Variants in ZNF667 observed in about 807,000 individuals in gnomAD.
ZNF667 encodes the protein myocardial ischemic preconditioning upregulated 1 ortholog.
ZNF667 carries 13 observed loss-of-function variants against 31.8 expected under a neutral mutation model. The observed-to-expected ratio is 0.41, with a 90% CI of 0.27 to 0.65. The LOEUF (loss-of-function observed/expected upper bound fraction) is 0.65, where lower values mean the gene tolerates loss of function less well. Among genes scored for constraint, ZNF667 ranks in the 30% least tolerant of loss-of-function variants. The probability of loss-of-function intolerance (pLI) is 0.32; values close to 1 mark genes in which losing one functional copy is unlikely to be tolerated. For synonymous variants in ZNF667, 228 were observed against 247.1 expected (o/e 0.92, Z 0.73); for missense variants, 642 against 725.6 (o/e 0.88, Z 1.32).
In ZNF667 at chr19:56,456,282, T is replaced by C. The variant is rs967901100; in HGVS notation, c.253+1873A>G. ...AATTCTCCTTTTTAAGTTGTAGTCA[T>C]GGTTATGATTTATTACAGCAAAAGG... On this transcript the variant is annotated intron_variant, in intron 6 of 6. Coordinates refer to ENST00000504904, the MANE Select transcript of ZNF667 (RefSeq NM_001321356.2). Among the ~76,000 whole-genome samples, 65 of 152,204 alleles carry C rather than the reference T, an allele frequency of 4.3e-4. 1 individual carries two copies. Among genetic ancestry groups the C allele is most frequent in the Non-Finnish European group, 1.5e-5 (1 of 68,042 alleles).
Position 56,441,509 on chromosome 19 carries a change from C to A in ZNF667, c.1486G>T (p.Asp496Tyr). Residue 496 changes from aspartate (D) to tyrosine (Y), a missense_variant, in exon 7 of 7, where the codon GAT (aspartate) becomes TAT (tyrosine). Physicochemically the swap from Asp to Tyr is radical, Grantham distance 160 (BLOSUM62 -3). Coordinates refer to ENST00000504904, the MANE Select transcript of ZNF667 (RefSeq NM_001321356.2). The surrounding 1 kb of genome is among the most constrained non-coding windows in gnomAD (Gnocchi z 4.2). Reference sequence around the variant, plus strand: ...CACTGATCACATTCATAGGGTCTATCTTCAGTATGAATTCTCTTATGTCGT... The same window carrying A: ...CACTGATCACATTCATAGGGTCTATATTCAGTATGAATTCTCTTATGTCGT... ...LTRHKRIHTE[D>Y]RPYECDQCGK... 1 of 1,614,218 alleles carries A rather than the reference C, an allele frequency of 6.2e-7. No individual in the cohort carries two copies. Among genetic ancestry groups the A allele is most frequent in the Non-Finnish European group, 8.5e-7 (1 of 1,180,038 alleles).
At position 56,439,367 on chromosome 19, in the gene ZNF667, T is replaced by G. The variant is rs1261396639; in HGVS notation, c.*1795A>C. On this transcript the variant is annotated 3_prime_UTR_variant, in exon 7 of 7. Coordinates refer to ENST00000504904, the MANE Select transcript of ZNF667 (RefSeq NM_001321356.2). ...AAGTTATCTGATTTTATTTCTTATA[T>G]ATTTGGCACAAACAGCAGAGACTGA... 6.6e-6 allele frequency: 1 copy of G among 152,244 alleles called. No individual in the cohort carries two copies. Among genetic ancestry groups the G allele is most frequent in the East Asian group, 1.9e-4 (1 of 5,202 alleles). The allele number at this position is 152,244 out of a possible 1,614,324, so 9.4% of individuals were successfully genotyped here. A position where few individuals can be genotyped will look rare whatever the true frequency, so the allele number is the denominator to read the frequency against.
At chr19:56,443,199 ACT>A (rs2042653998) in intron 6 of ZNF667, among the ~76,000 whole-genome samples, 1 of 152,142 alleles carries the variant, frequency 6.6e-6, no homozygotes, top group Non-Finnish European at 1.5e-5. Context: ...ATGGTTACAC[ACT>A]CTGTAAATTT....
At chr19:56,457,511 GTAGGGGTAATAACAGCA>G (rs2042959029) in intron 6 of ZNF667, among the ~76,000 whole-genome samples, 1 of 152,212 alleles carries the variant, frequency 6.6e-6, no homozygotes, top group Non-Finnish European at 1.5e-5. Flanking sequence ...TATCTATAAA[GTAGGGGTAATAACAGCA>G]CCCACCTTAT....
intron 3 of ZNF667, chr19:56,467,204 G>C (rs1418820379): frequency 1.1e-5 from 4 of 362,520 alleles, no homozygotes; most frequent in East Asian, 7.6e-5. Context: ...GGGTGGGGGG[G>C]AAATGAGGGC....
intron 3 of ZNF667, chr19:56,468,798 C>T (rs1193134381): frequency 1.3e-5 from 2 of 152,196 alleles, no homozygotes; most frequent in African/African-American, 4.8e-5. Flanking sequence ...AACATAATTA[C>T]AAAGGTCCTC....
At position 56,451,868 on chromosome 19, in the gene ZNF667, C is replaced by CAAAAAA. The variant is rs71184363; in HGVS notation, c.253+6281_253+6286dup. ...TGGGTGACAGAGCAAGACCCTGTCT[C>CAAAAAA]AAAAAAAAAAAAAAAAAAAAAAAAA... On this transcript the variant is annotated intron_variant, in intron 6 of 6. Transcript: ENST00000504904. Among the ~76,000 whole-genome samples the CAAAAAA allele has an allele frequency of 1.0e-3, 81 of 80,928 alleles. 3 individuals are homozygous for CAAAAAA. Among genetic ancestry groups the CAAAAAA allele is most frequent in the African/African-American group, 3.3e-3 (61 of 18,672 alleles). 53.1% of individuals were successfully genotyped at this position (80,928 alleles called of 152,430 possible).
chr19:56,441,728 T>A lies in ZNF667; in HGVS notation c.1267A>T (p.Met423Leu). Residue 423 changes from methionine to leucine, a missense_variant, in exon 7 of 7, where the codon ATG becomes TTG. Physicochemically the swap from Met to Leu is conservative, Grantham distance 15. Coordinates refer to ENST00000504904, the MANE Select transcript of ZNF667 (RefSeq NM_001321356.2). The surrounding 1 kb of genome is among the most constrained non-coding windows in gnomAD (Gnocchi z 4.2). The stretch of plus-strand genomic sequence containing the variant: ...TTAAGGTTTGCAGTTCCAGAAAACA[T>A]CTTCCCACATTCCTTACACTCAAAT... ...KLFECKECGK[M>L]FSGTANLKIH... The A allele has an allele frequency of 6.2e-7, 1 of 1,614,180 alleles. No individual in the cohort carries two copies. Among genetic ancestry groups the A allele is most frequent in the East Asian group, 2.2e-5 (1 of 44,876 alleles).
At chr19:56,462,569 T>A (rs1308143190) in intron 3 of ZNF667, 140 bp from the exon 4 acceptor site, 1 of 631,666 alleles carries the variant, frequency 1.6e-6, no homozygotes, top group African/African-American at 1.8e-5. Flanking sequence ...ACCTGGCGCA[T>A]TCCTGTCCCC....
chr19:56,461,311 C>T (rs1020050046), intron 4 of ZNF667, among the ~76,000 whole-genome samples: 4 of 152,212 alleles, frequency 2.6e-5, no homozygotes, highest in African/African-American at 4.8e-5. Flanking sequence ...ATATGTTACA[C>T]ATGACAAAAG....
At chr19:56,447,385 A>G (rs1430460414) in intron 6 of ZNF667, among the ~76,000 whole-genome samples, 1 of 152,224 alleles carries the variant, frequency 6.6e-6, no homozygotes, top group Non-Finnish European at 1.5e-5. Context: ...ATGCTAGTAA[A>G]TCTACAAGAA....
intron 3 of ZNF667, chr19:56,469,050 C>T (rs1209338155): frequency 6.6e-6 from 1 of 152,224 alleles, no homozygotes; most frequent in Admixed American, 6.5e-5. Context: ...AGTCCTCATG[C>T]CCAATAAATG....
Position 56,441,580 on chromosome 19 carries a change from T to C in ZNF667, c.1415A>G (p.Gln472Arg). 2 of 1,614,216 alleles carry C rather than the reference T, an allele frequency of 1.2e-6. No individual in the cohort carries two copies. The highest frequency in any genetic ancestry group is 1.7e-6 in the Non-Finnish European group (2 of 1,180,036). The part of the protein sequence containing the change: ...QRIHTGEKPY[Q>R]CEECGKAFSH... ...GAAGGCTTTTCCACATTCCTCACAC[T>C]GGTAGGGTTTTTCTCCAGTATGAAT... The change falls in exon 7 of 7, where the codon CAG becomes CGG. Residue 472 changes from glutamine (Q) to arginine (R), a missense_variant. Physicochemically the swap from Gln to Arg is conservative, Grantham distance 43. Transcript: ENST00000504904. This position sits in a 1 kb window ranked among gnomAD's most constrained non-coding sequence, Gnocchi z 4.2.
chr19:56,458,028 T>C (rs1261204313), intron 6 of ZNF667, 127 bp downstream of exon 6: 3 of 842,404 alleles, frequency 3.6e-6, no homozygotes, highest in Non-Finnish European at 5.8e-6. Flanking sequence ...TGCATTGATC[T>C]TGGACTTCTC....
upstream of ZNF667, chr19:56,477,384 C>A (rs1342535592): frequency 6.6e-6 from 1 of 151,832 alleles, no homozygotes; most frequent in East Asian, 2.0e-4. Flanking sequence ...CACCCCCCTT[C>A]ACACACGCAC....
intron 6 of ZNF667, among the ~76,000 whole-genome samples, chr19:56,447,082 C>A (rs1437136748): frequency 6.9e-6 from 1 of 145,394 alleles, no homozygotes; most frequent in Non-Finnish European, 1.6e-5. Flanking sequence ...ACCCCAAATT[C>A]TTTCTAACTA....
intron 3 of ZNF667, among the ~76,000 whole-genome samples, chr19:56,463,740 G>C (rs1246401248): frequency 6.6e-6 from 1 of 152,036 alleles, no homozygotes; most frequent in Non-Finnish European, 1.5e-5. Context: ...TGCCCAGGCT[G>C]GTCTCAAACT....
intron 6 of ZNF667, among the ~76,000 whole-genome samples, chr19:56,451,298 C>T (rs1157167076): frequency 1.3e-5 from 2 of 151,552 alleles, no homozygotes; most frequent in African/African-American, 2.4e-5. Context: ...TATACACACC[C>T]AACAATGGAG....
intron 3 of ZNF667, among the ~76,000 whole-genome samples, chr19:56,470,560 C>T (rs768001741): frequency 6.6e-6 from 1 of 152,118 alleles, no homozygotes; most frequent in Non-Finnish European, 1.5e-5. Context: ...ATCCACAAGC[C>T]GCACACTCTG....
Sources: gnomAD v4.1 joint callset for allele counts (sites outside exome capture counted in the v4.1 genomes callset) on GRCh38, gnomAD v4.1.1 for gene constraint, Gnocchi (gnomAD v3.1) non-coding constraint, MANE v1.5 for transcripts, NCBI Gene and HGNC (gene_info 2026-07-23, HGNC 2026-07-21) for gene names.